The following NSG2 variants were observed in gnomAD, a reference collection of about 807,000 sequenced individuals.
The protein encoded by NSG2 is neuronal vesicle trafficking-associated protein 2.
Under a neutral mutation model 16.9 loss-of-function variants are expected in NSG2, and 4 were observed. The ratio of observed to expected loss-of-function variants is 0.24; its 90% CI spans 0.12 to 0.54. The LOEUF (loss-of-function observed/expected upper bound fraction) is 0.54, where lower values mean the gene tolerates loss of function less well. NSG2 is among the 20% of genes least tolerant of loss of function. NSG2 has a pLI of 0.95. For missense variants in NSG2, 179 were observed against 221.1 expected, an observed-to-expected ratio of 0.81 and a Z score of 1.21; for synonymous variants, 98 against 88.7, an observed-to-expected ratio of 1.11 and a Z score of -0.59.
intron 3 of NSG2, among the ~76,000 whole-genome samples, chr5:174,085,915 T>C (rs190975947): frequency 1.6e-4 from 24 of 152,336 alleles, no homozygotes; most frequent in Non-Finnish European, 2.6e-4. Context: ...TTGTTGTTAT[T>C]TTGGACTTAA....
At chr5:174,062,257 G>A (rs1341134193) in intron 2 of NSG2, among the ~76,000 whole-genome samples, 1 of 152,124 alleles carries the variant, frequency 6.6e-6, no homozygotes. Context: ...AAGTTCTGGA[G>A]CCAGGATTTG....
chr5:174,061,933 G>A (rs1760060081), intron 2 of NSG2, among the ~76,000 whole-genome samples: 1 of 117,910 alleles, frequency 8.5e-6, no homozygotes, highest in African/African-American at 3.8e-5. Context: ...TTTTTTTTTA[G>A]GCAGGGAAGT....
intron 4 of NSG2, among the ~76,000 whole-genome samples, chr5:174,104,706 A>G (rs1188821282): frequency 6.6e-6 from 1 of 152,122 alleles, no homozygotes; most frequent in Admixed American, 6.5e-5. Context: ...GTGGCCTTCC[A>G]GAGGTGTGAA....
chr5:174,097,733 CTCTGTGTCTGTGTGTGTG>C (rs1760826407), intron 3 of NSG2, among the ~76,000 whole-genome samples: 1 of 142,970 alleles, frequency 7.0e-6, no homozygotes, highest in Admixed American at 7.1e-5. Flanking sequence ...CTGTGTGTGT[CTCTGTGTCTGTGTGTGTG>C]TCTGTGTCTC....
intron 3 of NSG2, among the ~76,000 whole-genome samples, chr5:174,099,005 G>A (rs1056075222): frequency 3.3e-5 from 5 of 152,172 alleles, no homozygotes; most frequent in Admixed American, 2.0e-4. Context: ...TGTGGAGTCC[G>A]GCTTTCATGT....
intron 2 of NSG2, among the ~76,000 whole-genome samples, chr5:174,061,428 T>C (rs1354794944): frequency 6.6e-6 from 1 of 152,244 alleles, no homozygotes; most frequent in African/African-American, 2.4e-5. Context: ...TTTGCTCTTT[T>C]GTTTACATCA....
At chr5:174,067,974 C>T (rs1040441085) in intron 3 of NSG2, among the ~76,000 whole-genome samples, 2 of 151,972 alleles carry the variant, frequency 1.3e-5, no homozygotes, top group Admixed American at 1.3e-4. Flanking sequence ...GGTGGTCTGG[C>T]CACCCTTGGA....
At chr5:174,048,077 A>G (rs935962046) in intron 2 of NSG2, among the ~76,000 whole-genome samples, 1 of 152,228 alleles carries the variant, frequency 6.6e-6, no homozygotes, top group Non-Finnish European at 1.5e-5. Flanking sequence ...GAGAACGTGC[A>G]GGGGTGGGGT....
At chr5:174,064,591 TC>T (rs1760110004) in intron 3 of NSG2, 2 of 266,260 alleles carry the variant, frequency 7.5e-6, no homozygotes, top group Admixed American at 1.1e-4. Context: ...TTTCTCCTGT[TC>T]CCTTCTTCCT....
intron 2 of NSG2, among the ~76,000 whole-genome samples, chr5:174,055,553 T>C (rs1470700858): frequency 6.6e-6 from 1 of 151,828 alleles, no homozygotes; most frequent in Non-Finnish European, 1.5e-5. Flanking sequence ...AGCCAAGATA[T>C]CACGCCACCG....
chr5:174,107,350 T>G lies in NSG2; in HGVS notation c.361T>G (p.Tyr121Asp). ...RCIPASLDAY[Y>D]SSQDPNSRSR... is the part of the protein sequence containing the mutation. ...TATCCCAGCCTCCCTGGATGCTTAC[T>G]ACTCCTCCCAGGACCCCAATTCCAG... Residue 121 changes from tyrosine (Y) to aspartate (D), a missense_variant, in exon 5 of 5, where the codon TAC becomes GAC. Tyr to Asp is a radical substitution (Grantham distance 160, BLOSUM62 -3). Transcript: ENST00000303177. The surrounding 1 kb of genome is among the most constrained non-coding windows in gnomAD (Gnocchi z 4.5). 1 of 1,593,072 alleles carries G rather than the reference T, an allele frequency of 6.3e-7. No homozygotes were observed. The highest frequency in any genetic ancestry group is 8.6e-7 in the Non-Finnish European group (1 of 1,164,916).
At chr5:174,084,967 T>C (rs1760579101) in intron 3 of NSG2, among the ~76,000 whole-genome samples, 1 of 152,202 alleles carries the variant, frequency 6.6e-6, no homozygotes, top group Admixed American at 6.5e-5. Context: ...TGCACGTCCA[T>C]CTTTTTTGGA....
chr5:174,091,683 G>GTGTGTGTC (rs1208204826), intron 3 of NSG2, among the ~76,000 whole-genome samples: 6 of 147,862 alleles, frequency 4.1e-5, no homozygotes, highest in Non-Finnish European at 8.9e-5. Flanking sequence ...GTGTGTGTGT[G>GTGTGTGTC]TGTCTGGGGC....
chr5:174,082,560 G>A (rs1760500865), intron 3 of NSG2: 1 of 152,222 alleles, frequency 6.6e-6, no homozygotes, highest in Non-Finnish European at 1.5e-5. Flanking sequence ...TGATTGCTCT[G>A]TGGGGTGTGG....
rs1760997736 is a variant in NSG2, at chr5:174,107,308, C to T, written c.325-6C>T. 6.5e-7 allele frequency: 1 copy of T among 1,544,034 alleles called. No homozygotes were observed. The highest frequency in any genetic ancestry group is 8.8e-7 in the Non-Finnish European group (1 of 1,140,102). ...TGACCCCTGACTCTGTCTCTTTCTT[C>T]CCCAGCACAAACGCTGTATCCCAGC... On this transcript the variant is annotated splice_region_variant and splice_polypyrimidine_tract_variant and intron_variant, in intron 4 of 4. Transcript: ENST00000303177. The surrounding 1 kb of genome is among the most constrained non-coding windows in gnomAD (Gnocchi z 4.5).
chr5:174,107,631 T>C lies in NSG2; in HGVS notation c.*126T>C. 2.5e-6 allele frequency: 1 copy of C among 402,552 alleles called. No individual in the cohort carries two copies. Among genetic ancestry groups the C allele is most frequent in the East Asian group, 7.7e-5 (1 of 13,038 alleles). 24.9% of individuals were successfully genotyped at this position (402,552 alleles called of 1,614,324 possible). Reference sequence around the variant, plus strand: ...GGGGCGGGGGCGGGGCAGGGCAGGGTGGGGGGAAGAACGCACCAAAAACGT... The same window carrying C: ...GGGGCGGGGGCGGGGCAGGGCAGGGCGGGGGGAAGAACGCACCAAAAACGT... On this transcript the variant is annotated 3_prime_UTR_variant, in exon 5 of 5. Transcript: ENST00000303177. The surrounding 1 kb of genome is among the most constrained non-coding windows in gnomAD (Gnocchi z 4.5).
intron 2 of NSG2, among the ~76,000 whole-genome samples, chr5:174,055,790 G>A (rs1759959562): frequency 6.6e-6 from 1 of 152,138 alleles, no homozygotes; most frequent in African/African-American, 2.4e-5. Context: ...ACCTGCTTCC[G>A]ACTCAGTCTT....
At chr5:174,051,292 C>T (rs943958327) in intron 2 of NSG2, among the ~76,000 whole-genome samples, 3 of 152,138 alleles carry the variant, frequency 2.0e-5, no homozygotes, top group East Asian at 1.9e-4. Context: ...ATGTCAACAG[C>T]GCCAAGGTTG....
In NSG2 at chr5:174,072,210, C is replaced by T. The variant is rs375394846; in HGVS notation, c.213+7895C>T. Among the ~76,000 whole-genome samples, 28 of 152,332 alleles carry T rather than the reference C, an allele frequency of 1.8e-4. No individual in the cohort carries two copies. The East Asian group carries it at 4.1e-3, about 22-fold the overall frequency. On this transcript the variant is annotated intron_variant, in intron 3 of 4. Coordinates refer to ENST00000303177, the MANE Select transcript of NSG2 (RefSeq NM_015980.5). The surrounding 1 kb of genome is among the most constrained non-coding windows in gnomAD (Gnocchi z 4.0). ...CTCTCCCTGATCCCTGGCCCCTTTC[C>T]TCAGCAGCCCCAGTCCTTTCTCCTC...
Sources: allele counts gnomAD v4.1 joint callset (sites outside exome capture counted in the v4.1 genomes callset), GRCh38; gene constraint gnomAD v4.1.1; non-coding constraint Gnocchi (gnomAD v3.1); transcripts MANE v1.5; gene names NCBI Gene and HGNC (gene_info 2026-07-23, HGNC 2026-07-21).